MOV10L1: variants seen among roughly 807,000 people sequenced by gnomAD.
MOV10L1 encodes the protein RNA helicase Mov10l1.
In MOV10L1, 110 loss-of-function variants were observed where a neutral mutation model predicts 143.8. That is an observed-to-expected ratio of 0.76 (90% confidence interval 0.66 to 0.90). MOV10L1 has a LOEUF of 0.90. Among genes scored for constraint, MOV10L1 ranks in the 40% least tolerant of loss-of-function variants. MOV10L1 has a pLI of 0.00. For synonymous variants in MOV10L1, 593 were observed against 581.1 expected (o/e 1.02, Z -0.29); for missense variants, 1,406 against 1,526.8 (o/e 0.92, Z 1.32).
chr22:50,095,480 G>T (rs1271110868), intron 2 of MOV10L1: 1 of 152,124 alleles, frequency 6.6e-6, no homozygotes, highest in East Asian at 1.9e-4. Flanking sequence ...ATTTAAAGGA[G>T]TACTCTGGGT....
intron 6 of MOV10L1, 124 bp downstream of exon 6, chr22:50,113,912 C>CTTT (rs67071955): frequency 1.4e-3 from 369 of 263,158 alleles, no homozygotes; most frequent in African/African-American, 2.2e-3. Flanking sequence ...AAGATCTTTT[C>CTTT]TTTTTTTTTT....
chr22:50,120,791 C>T (rs2062318125), intron 10 of MOV10L1, among the ~76,000 whole-genome samples, 175 bp downstream of exon 10: 1 of 152,202 alleles, frequency 6.6e-6, no homozygotes, highest in Non-Finnish European at 1.5e-5. Context: ...CCATAGCACT[C>T]ACGCTGCCAG....
At chr22:50,101,579 G>GCC (rs71286282) in intron 3 of MOV10L1, among the ~76,000 whole-genome samples, 2 of 150,668 alleles carry the variant, frequency 1.3e-5, no homozygotes, top group South Asian at 2.1e-4. Flanking sequence ...GAGTGCAGTG[G>GCC]TGGCTCACTG....
chr22:50,128,210 T>C (rs1176518963), intron 12 of MOV10L1, among the ~76,000 whole-genome samples: 2 of 152,248 alleles, frequency 1.3e-5, no homozygotes, highest in Non-Finnish European at 2.9e-5. Context: ...GCCAAGTGAA[T>C]AGAAGTTCAG....
chr22:50,158,049 C>G lies in MOV10L1; in HGVS notation c.3067-8C>G. 6.2e-7 allele frequency: 1 copy of G among 1,609,290 alleles called. No individual in the cohort carries two copies. The highest frequency in any genetic ancestry group is 8.5e-7 in the Non-Finnish European group (1 of 1,177,218). On this transcript the variant is annotated splice_region_variant and splice_polypyrimidine_tract_variant and intron_variant, in intron 22 of 26. Transcript: ENST00000262794. The surrounding 1 kb of genome is among the most constrained non-coding windows in gnomAD (Gnocchi z 5.0). ...AGTAAAGTAGGTTTTCTCTCCTCAT[C>G]AACCCAGGGCAGCGAGGCACGGGAG...
intron 6 of MOV10L1, among the ~76,000 whole-genome samples, 156 bp downstream of exon 6, chr22:50,113,944 C>T (rs565018023): frequency 6.3e-4 from 77 of 121,524 alleles, no homozygotes; most frequent in African/African-American, 2.5e-3. Context: ...TTTGAGACAG[C>T]GTCTTGCTCC....
At chr22:50,121,299 T>C (rs1351542812) in intron 10 of MOV10L1, among the ~76,000 whole-genome samples, 1 of 152,124 alleles carries the variant, frequency 6.6e-6, no homozygotes, top group Non-Finnish European at 1.5e-5. Flanking sequence ...CCTTTCCAAA[T>C]ACACCTCCTT....
rs913187239 is a variant in MOV10L1 at position 50,120,740 on chromosome 22, G to A, written c.1569+124G>A. 2.3e-5 allele frequency: 16 copies of A among 694,398 alleles called. No individual in the cohort carries two copies. In the African/African-American group the frequency reaches 2.5e-4, roughly 11 times the overall value. 43.0% of individuals were successfully genotyped at this position (694,398 alleles called of 1,614,324 possible). On this transcript the variant is annotated intron_variant, in intron 10 of 26. Transcript: ENST00000262794. ...TGGCTTGTTTTCTTCACAGGTAGCT[G>A]GGATAACGAGGGTCACTGCCTGGCC...
intron 9 of MOV10L1, 124 bp from the exon 10 acceptor site, chr22:50,120,378 A>G: frequency 1.5e-6 from 1 of 653,780 alleles, no homozygotes; most frequent in South Asian, 1.9e-5. Context: ...TTCATATATC[A>G]GTTCTTCTCA....
chr22:50,146,044 C>T (rs1384743480), intron 19 of MOV10L1, among the ~76,000 whole-genome samples: 4 of 152,174 alleles, frequency 2.6e-5, no homozygotes, highest in Admixed American at 2.6e-4. Flanking sequence ...ATGGACTGGC[C>T]CATGCAGAGG....
At chr22:50,090,265 T>G (rs1268986457) in intron 1 of MOV10L1, 80 bp downstream of exon 1, 4 of 1,431,528 alleles carry the variant, frequency 2.8e-6, no homozygotes, top group Non-Finnish European at 3.7e-6. Context: ...CATAGGTCTT[T>G]GAGTGCAGTG....
chr22:50,125,622 T>C, intron 11 of MOV10L1, 53 bp downstream of exon 11: 1 of 1,543,110 alleles, frequency 6.5e-7, no homozygotes, highest in Non-Finnish European at 8.8e-7. Flanking sequence ...GAAACCATAC[T>C]TGAGAGAAGA....
At position 50,099,568 on chromosome 22, in the gene MOV10L1, G is replaced by A. The variant is rs1352134060; in HGVS notation, c.408G>A (p.Gln136=). ...TGGAGGGCGCAGGCTGTATCAGTCA[G>A]ACCACCTACTTCTCTCTGGAGAGTG... ...SLVEGAGCIS[Q]TTYFSLESVC... is the part of the protein sequence containing the mutation. Residue 136 remains glutamine, a synonymous_variant, in exon 3 of 27, where the codon CAG becomes CAA. Transcript: ENST00000262794. 1 of 1,614,040 alleles carries A rather than the reference G, an allele frequency of 6.2e-7. No homozygotes were observed. Among genetic ancestry groups the A allele is most frequent in the Non-Finnish European group, 8.5e-7 (1 of 1,179,884 alleles).
At chr22:50,144,002 C>T in intron 17 of MOV10L1, 95 bp from the exon 18 acceptor site, 2 of 1,485,628 alleles carry the variant, frequency 1.3e-6, no homozygotes, top group African/African-American at 2.8e-5. Context: ...GCAGCTGAGT[C>T]CCTGCACCCG....
intron 12 of MOV10L1, among the ~76,000 whole-genome samples, chr22:50,127,811 C>T (rs1352403550): frequency 2.0e-5 from 3 of 149,696 alleles, no homozygotes; most frequent in Non-Finnish European, 3.0e-5. Context: ...CTCACTCTGT[C>T]ACCCAGCCTG....
At position 50,126,248 on chromosome 22, in the gene MOV10L1, C is replaced by A. The variant is rs766861699; in HGVS notation, c.1794C>A (p.Ile598=). The A allele has an allele frequency of 6.2e-7, 1 of 1,612,232 alleles. No individual in the cohort carries two copies. Among genetic ancestry groups the A allele is most frequent in the Non-Finnish European group, 8.5e-7 (1 of 1,178,476 alleles). The change falls in exon 12 of 27, where the codon ATC becomes ATA. Residue 598 remains isoleucine, a synonymous_variant. Coordinates refer to ENST00000262794, the MANE Select transcript of MOV10L1 (RefSeq NM_018995.3). ...CTCAAGAGTACAATGGACATGCCAT[C>A]GAATACATCAGCTACGTGACTGAGG... ...LKTQEYNGHA[I]EYISYVTEIH... is the part of the protein sequence containing the mutation.
chr22:50,153,021 T>G (rs1343081127), intron 21 of MOV10L1, 24 bp from the exon 22 acceptor site: 1 of 1,579,280 alleles, frequency 6.3e-7, no homozygotes, highest in Admixed American at 1.7e-5. Context: ...CTTCCCCTTG[T>G]GACCCATCAC....
At chr22:50,137,167 C>A (rs9617099) in intron 15 of MOV10L1, among the ~76,000 whole-genome samples, 32,975 of 151,908 alleles carry the variant, frequency 0.22, 3,960 homozygotes, top group Admixed American at 0.35. Context: ...AAAACGTAAC[C>A]CAAAAGGAGA....
At chr22:50,099,124 G>C (rs779257853) in intron 2 of MOV10L1, among the ~76,000 whole-genome samples, 1 of 152,146 alleles carries the variant, frequency 6.6e-6, no homozygotes, top group East Asian at 1.9e-4. Flanking sequence ...CTCAATGTTG[G>C]TGTCCCCCAA....
Sources: allele counts gnomAD v4.1 joint callset (sites outside exome capture counted in the v4.1 genomes callset), GRCh38; gene constraint gnomAD v4.1.1; non-coding constraint Gnocchi (gnomAD v3.1); transcripts MANE v1.5; gene names NCBI Gene and HGNC (gene_info 2026-07-23, HGNC 2026-07-21).